The following STIM2 variants were observed in gnomAD, a reference collection of about 807,000 sequenced individuals.
STIM2 encodes the protein stromal interaction molecule 2.
In STIM2, 31 loss-of-function variants were observed where a neutral mutation model predicts 85.8. That is an observed-to-expected ratio of 0.36 (90% CI 0.27 to 0.49). The LOEUF (loss-of-function observed/expected upper bound fraction) is 0.49. Among genes scored for constraint, STIM2 ranks in the 20% least tolerant of loss-of-function variants. The pLI is 0.98. For synonymous variants in STIM2, 356 were observed against 331.1 expected (o/e 1.08, Z -0.82); for missense variants, 841 against 927.6 (o/e 0.91, Z 1.21).
At chr4:26,863,573 G>A (rs964640371) in intron 1 of STIM2, among the ~76,000 whole-genome samples, 5 of 151,982 alleles carry the variant, frequency 3.3e-5, no homozygotes, top group Non-Finnish European at 7.4e-5. Flanking sequence ...GGTTCTATTT[G>A]TAAATGTTAT....
At chr4:26,942,624 C>T (rs930899183) in intron 2 of STIM2, among the ~76,000 whole-genome samples, 3 of 152,122 alleles carry the variant, frequency 2.0e-5, no homozygotes, top group African/African-American at 7.2e-5. Flanking sequence ...GTCTTCATAT[C>T]ACTCACTAGT....
At chr4:26,965,692 T>C (rs191560651) in intron 3 of STIM2, among the ~76,000 whole-genome samples, 1 of 152,102 alleles carries the variant, frequency 6.6e-6, no homozygotes, top group South Asian at 2.1e-4. Flanking sequence ...AGTACACTTG[T>C]GTTTTGGAGA....
At chr4:27,017,620 T>G in intron 10 of STIM2, 91 bp from the exon 11 acceptor site, 1 of 1,469,134 alleles carries the variant, frequency 6.8e-7, no homozygotes, top group Non-Finnish European at 9.4e-7. Context: ...GACATATTAG[T>G]GACATCAGTT....
intron 3 of STIM2, among the ~76,000 whole-genome samples, chr4:26,978,000 C>T (rs1237843790): frequency 6.6e-6 from 1 of 152,094 alleles, no homozygotes; most frequent in Non-Finnish European, 1.5e-5. Context: ...GATGACAACA[C>T]AGACTTGACA....
In STIM2 at chr4:27,017,824, G is replaced by A. The variant is rs551838879; in HGVS notation, c.1603G>A (p.Ala535Thr). The change falls in exon 11 of 12, where the codon GCC (alanine) becomes ACC (threonine). Residue 535 changes from alanine to threonine, a missense_variant. Physicochemically the swap from Ala to Thr is moderately conservative, Grantham distance 58 (BLOSUM62 0). Coordinates refer to ENST00000467087, the MANE Select transcript of STIM2 (RefSeq NM_020860.4). ...TCAGCGAGCTCAGCTTGCTCCACAC[G>A]CCCCCCACCCGTCACACCCTCGGCA... 6 of 1,613,908 alleles carry A rather than the reference G, an allele frequency of 3.7e-6. No homozygotes were observed. Among genetic ancestry groups the A allele is most frequent in the South Asian group, 2.2e-5 (2 of 91,070 alleles).
At chr4:26,932,783 A>G (rs1299402313) in intron 2 of STIM2, among the ~76,000 whole-genome samples, 1 of 152,202 alleles carries the variant, frequency 6.6e-6, no homozygotes, top group Non-Finnish European at 1.5e-5. Flanking sequence ...CAGAAAAATA[A>G]TTAAGAGCTG....
At position 27,008,535 on chromosome 4, in the gene STIM2, ATGT is replaced by A; in HGVS notation, c.1250+12_1250+14del. ...ACAAAATTCTGGAAGCAAAGTAAGA[ATGT>A]TGTTTTCACTTTTATTTGATTTATG... is the stretch of plus-strand genomic sequence containing the variant. On this transcript the variant is annotated splice_region_variant and intron_variant, in intron 9 of 11. Transcript: ENST00000467087. The A allele has an allele frequency of 6.4e-7, 1 of 1,570,960 alleles. No individual in the cohort carries two copies. The highest frequency in any genetic ancestry group is 1.7e-4 in the Middle Eastern group (1 of 5,924).
In STIM2 at chr4:26,984,545, A is replaced by G. The variant is rs373808117; in HGVS notation, c.398-10834A>G. 5.3e-5 allele frequency among the ~76,000 whole-genome samples: 8 copies of G among 152,236 alleles called. No homozygotes were observed. In the East Asian group the frequency reaches 1.4e-3, roughly 26 times the overall value. On this transcript the variant is annotated intron_variant, in intron 3 of 11. Coordinates refer to ENST00000467087, the MANE Select transcript of STIM2 (RefSeq NM_020860.4). The stretch of plus-strand genomic sequence containing the variant: ...CTGGCTAATTTTGTTTTGTATTTTT[A>G]GTAGAGATGGGGTTTCGCCATGTTG...
At chr4:26,941,734 G>C (rs1246702246) in intron 2 of STIM2, among the ~76,000 whole-genome samples, 1 of 151,448 alleles carries the variant, frequency 6.6e-6, no homozygotes, top group Non-Finnish European at 1.5e-5. Context: ...ACCTTTTAAA[G>C]GTAAGTATCT....
intron 2 of STIM2, among the ~76,000 whole-genome samples, chr4:26,954,731 A>G (rs538154679): frequency 6.8e-6 from 1 of 147,966 alleles, no homozygotes; most frequent in East Asian, 1.9e-4. Context: ...ATGATTTTTA[A>G]TGTGTTTGGT....
intron 1 of STIM2, among the ~76,000 whole-genome samples, chr4:26,864,768 A>C (rs1193450986): frequency 6.6e-6 from 1 of 152,174 alleles, no homozygotes; most frequent in African/African-American, 2.4e-5. Context: ...TTCAACATAT[A>C]ATACCACATA....
chr4:27,016,651 A>AT (rs1339560935), intron 10 of STIM2, among the ~76,000 whole-genome samples: 1 of 152,178 alleles, frequency 6.6e-6, no homozygotes, highest in Non-Finnish European at 1.5e-5. Context: ...TTGCTTGCTA[A>AT]TTGGTTAGAA....
In STIM2 at chr4:26,885,822, TA is replaced by T. The variant is rs1723198913; in HGVS notation, c.151+24454del. On this transcript the variant is annotated intron_variant, in intron 1 of 11. Coordinates refer to ENST00000467087, the MANE Select transcript of STIM2 (RefSeq NM_020860.4). ...TGAAGCCAAATTTAGCACCTCAGGT[TA>T]TATATATATATATATATATATATAT... Among the ~76,000 whole-genome samples the T allele has an allele frequency of 1.0e-3, 5 of 4,950 alleles. 1 individual carries two copies. The South Asian group carries it at 0.016, about 16-fold the overall frequency. The allele number at this position is 4,950 out of a possible 152,430, so 3.2% of individuals were successfully genotyped here. A position where few individuals can be genotyped will look rare whatever the true frequency, so the allele number is the denominator to read the frequency against.
intron 1 of STIM2, among the ~76,000 whole-genome samples, chr4:26,911,154 T>G (rs1456137794): frequency 6.6e-6 from 1 of 151,776 alleles, no homozygotes; most frequent in Admixed American, 6.6e-5. Flanking sequence ...GGAGAATCGC[T>G]TGAACCCAGG....
intron 1 of STIM2, among the ~76,000 whole-genome samples, chr4:26,899,910 C>T (rs763770061): frequency 6.6e-6 from 1 of 152,188 alleles, no homozygotes; most frequent in Non-Finnish European, 1.5e-5. Context: ...CTAGGTTCTA[C>T]TTCTGGCTCT....
chr4:26,873,966 A>G, intron 1 of STIM2: 1 of 1,101,828 alleles, frequency 9.1e-7, no homozygotes, highest in East Asian at 2.5e-5. Flanking sequence ...TGAGTCAGGG[A>G]TCCACTGCTC....
chr4:26,928,000 A>T (rs1416654538), intron 2 of STIM2, among the ~76,000 whole-genome samples: 2 of 151,760 alleles, frequency 1.3e-5, no homozygotes, highest in Non-Finnish European at 2.9e-5. Flanking sequence ...GGAAGTTGGG[A>T]AGTCCAACAT....
chr4:27,019,282 C>A, intron 11 of STIM2: 1 of 416,330 alleles, frequency 2.4e-6, no homozygotes, highest in Non-Finnish European at 4.4e-6. Flanking sequence ...TGCAAGTGAT[C>A]AGTGCAGCAT....
rs1000950498 is a variant in STIM2 at position 26,932,460 on chromosome 4, A to G, written c.282+12826A>G. On this transcript the variant is annotated intron_variant, in intron 2 of 11. Coordinates refer to ENST00000467087, the MANE Select transcript of STIM2 (RefSeq NM_020860.4). ...TTTAACATAACTCGTTAGTACTGACACTAAACTTACTGTAGCATCTGATCA... is the reference window on the plus strand; with the variant it reads ...TTTAACATAACTCGTTAGTACTGACGCTAAACTTACTGTAGCATCTGATCA... 2.0e-5 allele frequency among the ~76,000 whole-genome samples: 3 copies of G among 152,222 alleles called. No individual in the cohort carries two copies. The South Asian group carries it at 6.2e-4, about 31-fold the overall frequency.
Sources: allele counts gnomAD v4.1 joint callset (sites outside exome capture counted in the v4.1 genomes callset), GRCh38; gene constraint gnomAD v4.1.1; transcripts MANE v1.5; gene names NCBI Gene and HGNC (gene_info 2026-07-23, HGNC 2026-07-21).